FHOD3: variants seen among roughly 807,000 people sequenced by gnomAD.
FHOD3 encodes the protein formin homology 2 domain containing 3, also known as FH1/FH2 domain-containing protein 3.
In FHOD3, 90 loss-of-function variants were observed where a neutral mutation model predicts 173.0. The ratio of observed to expected loss-of-function variants is 0.52; its 90% CI spans 0.44 to 0.62. The LOEUF (loss-of-function observed/expected upper bound fraction) is 0.62, where lower values mean the gene tolerates loss of function less well. Among genes scored for constraint, FHOD3 ranks in the 20% least tolerant of loss-of-function variants. The pLI is 0.00. For missense variants in FHOD3, 1,945 were observed against 2,034.7 expected, an observed-to-expected ratio of 0.96 and a Z score of 0.85; for synonymous variants, 828 against 823.0, an observed-to-expected ratio of 1.01 and a Z score of -0.10.
intron 3 of FHOD3, among the ~76,000 whole-genome samples, chr18:36,486,205 C>G (rs1196293078): frequency 6.6e-6 from 1 of 152,224 alleles, no homozygotes; most frequent in African/African-American, 2.4e-5. Context: ...TCTACATCCA[C>G]CACTTTGGCC....
intron 2 of FHOD3, among the ~76,000 whole-genome samples, chr18:36,370,037 TGGAAGC>T (rs1204102927): frequency 6.6e-6 from 1 of 152,130 alleles, no homozygotes; most frequent in African/African-American, 2.4e-5. Context: ...CAGAGGTGGG[TGGAAGC>T]AGGGGTAGGG....
chr18:36,591,172 A>G (rs770319247), intron 6 of FHOD3, among the ~76,000 whole-genome samples: 1 of 152,212 alleles, frequency 6.6e-6, no homozygotes. Context: ...CGTGTAGTTG[A>G]GAAAAATACA....
At chr18:36,533,225 T>C (rs924338845) in intron 5 of FHOD3, among the ~76,000 whole-genome samples, 1 of 152,254 alleles carries the variant, frequency 6.6e-6, no homozygotes, top group Non-Finnish European at 1.5e-5. Context: ...AAACCAGGCA[T>C]GATGAAAGTA....
intron 3 of FHOD3, among the ~76,000 whole-genome samples, chr18:36,493,756 C>T (rs907249044): frequency 6.6e-6 from 1 of 152,170 alleles, no homozygotes; most frequent in Non-Finnish European, 1.5e-5. Context: ...CAGTGTAGAC[C>T]TGGACATTGC....
chr18:36,670,264 GT>G (rs2037443885), intron 14 of FHOD3, among the ~76,000 whole-genome samples: 1 of 151,946 alleles, frequency 6.6e-6, no homozygotes, highest in Non-Finnish European at 1.5e-5. Context: ...GAATCTGTGT[GT>G]TTACAGTTTT....
chr18:36,759,243 G>A, intron 26 of FHOD3, 102 bp downstream of exon 26: 1 of 1,276,432 alleles, frequency 7.8e-7, no homozygotes, highest in Non-Finnish European at 1.1e-6. Context: ...ACCATTCAGT[G>A]CTTTAAACAA....
chr18:36,424,112 C>G (rs2050126650), intron 3 of FHOD3, among the ~76,000 whole-genome samples: 1 of 152,170 alleles, frequency 6.6e-6, no homozygotes, highest in Non-Finnish European at 1.5e-5. Context: ...CAGTTCATGT[C>G]TCATTTTTTG....
At chr18:36,473,551 G>T (rs2053399821) in intron 3 of FHOD3, among the ~76,000 whole-genome samples, 3 of 152,308 alleles carry the variant, frequency 2.0e-5, no homozygotes, top group African/African-American at 7.2e-5. Flanking sequence ...TAGGGCTAGA[G>T]CCCTGATTCC....
intron 5 of FHOD3, among the ~76,000 whole-genome samples, chr18:36,543,357 T>C (rs190956653): frequency 6.6e-6 from 1 of 152,332 alleles, no homozygotes; most frequent in Non-Finnish European, 1.5e-5. Flanking sequence ...CAGGAAAATC[T>C]TGACTAATAC....
chr18:36,323,115 A>G (rs936496635), intron 1 of FHOD3, among the ~76,000 whole-genome samples: 3 of 152,100 alleles, frequency 2.0e-5, no homozygotes, highest in Non-Finnish European at 4.4e-5. Context: ...CGAGCCTGAC[A>G]TGCTTCGACT....
intron 5 of FHOD3, among the ~76,000 whole-genome samples, chr18:36,544,141 A>C (rs907271251): frequency 6.6e-6 from 1 of 152,216 alleles, no homozygotes; most frequent in East Asian, 1.9e-4. Context: ...CGGCAGTATC[A>C]TCATTGAATA....
intron 25 of FHOD3, among the ~76,000 whole-genome samples, chr18:36,758,582 G>C (rs969885350): frequency 3.9e-5 from 6 of 152,200 alleles, no homozygotes; most frequent in African/African-American, 1.2e-4. Context: ...GCATATGGAA[G>C]GACCAGCGGT....
chr18:36,744,246 C>T, intron 23 of FHOD3, 53 bp downstream of exon 23: 5 of 1,562,534 alleles, frequency 3.2e-6, no homozygotes, highest in Non-Finnish European at 4.3e-6. Context: ...GCCACGGGAT[C>T]TTTATCGGTC....
intron 15 of FHOD3, among the ~76,000 whole-genome samples, chr18:36,683,579 C>T (rs1390692574): frequency 6.6e-6 from 1 of 152,210 alleles, no homozygotes; most frequent in Non-Finnish European, 1.5e-5. Flanking sequence ...GGCATGTACT[C>T]AAAGGCACCC....
At chr18:36,554,464 C>A (rs555913065) in intron 5 of FHOD3, among the ~76,000 whole-genome samples, 7 of 141,410 alleles carry the variant, frequency 5.0e-5, no homozygotes, top group Non-Finnish European at 1.1e-4. Flanking sequence ...GGAAGGGGAA[C>A]ATCACACACT....
At chr18:36,433,619 T>G (rs1019276620) in intron 3 of FHOD3, among the ~76,000 whole-genome samples, 1 of 152,194 alleles carries the variant, frequency 6.6e-6, no homozygotes, top group African/African-American at 2.4e-5. Flanking sequence ...CAGCAAGATA[T>G]GAACAGAAAG....
intron 3 of FHOD3, among the ~76,000 whole-genome samples, chr18:36,407,636 G>A (rs1343051117): frequency 2.0e-5 from 3 of 152,174 alleles, no homozygotes; most frequent in African/African-American, 4.8e-5. Context: ...GTCTGACTCC[G>A]AAGACACATT....
chr18:36,479,066 C>T (rs952675606), intron 3 of FHOD3, among the ~76,000 whole-genome samples: 3 of 152,212 alleles, frequency 2.0e-5, no homozygotes, highest in Non-Finnish European at 2.9e-5. Flanking sequence ...TGCATCTCTT[C>T]GCTTCCTGCG....
chr18:36,566,717 T>A (rs762692559), intron 5 of FHOD3, among the ~76,000 whole-genome samples: 1 of 152,118 alleles, frequency 6.6e-6, no homozygotes, highest in Non-Finnish European at 1.5e-5. Flanking sequence ...GATCATGGTA[T>A]CTGAACCTGG....
Sources: allele counts gnomAD v4.1 joint callset (sites outside exome capture counted in the v4.1 genomes callset), GRCh38; gene constraint gnomAD v4.1.1; transcripts MANE v1.5; gene names NCBI Gene and HGNC (gene_info 2026-07-23, HGNC 2026-07-21).